The following PCGF5 variants were observed in gnomAD, a reference collection of about 807,000 sequenced individuals.
PCGF5 encodes the protein polycomb group ring finger 5, also known as polycomb group RING finger protein 5.
PCGF5 carries 9 observed loss-of-function variants against 44.3 expected under a neutral mutation model. That is an observed-to-expected ratio of 0.20 (90% CI 0.12 to 0.35). PCGF5 has a LOEUF of 0.35. PCGF5 is among the 10% of genes least tolerant of loss of function. The pLI is 1.00. For synonymous variants in PCGF5, 95 were observed against 102.5 expected, an observed-to-expected ratio of 0.93 and a Z score of 0.44; for missense variants, 146 against 305.3, an observed-to-expected ratio of 0.48 and a Z score of 3.89.
intron 1 of PCGF5, among the ~76,000 whole-genome samples, chr10:91,210,043 T>G (rs1009548204): frequency 2.6e-5 from 4 of 152,220 alleles, no homozygotes; most frequent in Admixed American, 2.0e-4. Context: ...GGATAGCAGA[T>G]CATAGCATTA....
chr10:91,176,484 T>C lies in PCGF5; in HGVS notation c.-184+13403T>C, dbSNP rs1227505483. Among the ~76,000 whole-genome samples, 8 of 152,354 alleles carry C rather than the reference T, an allele frequency of 5.3e-5. No individual in the cohort carries two copies. The East Asian group carries it at 1.5e-3, about 29-fold the overall frequency. ...CCTTGCTAGATTGGGGACGTTCTCCTGGATAATATCCTGCAGAGTGTTTTC... is the reference window on the plus strand; with the variant it reads ...CCTTGCTAGATTGGGGACGTTCTCCCGGATAATATCCTGCAGAGTGTTTTC... On this transcript the variant is annotated intron_variant, in intron 1 of 9. Transcript: ENST00000614189.
chr10:91,208,485 C>G (rs1844388250), intron 1 of PCGF5, among the ~76,000 whole-genome samples: 1 of 152,180 alleles, frequency 6.6e-6, no homozygotes, highest in African/African-American at 2.4e-5. Context: ...AACAAGATCC[C>G]TGCTGATGCT....
At position 91,192,064 on chromosome 10, in the gene PCGF5, AT is replaced by A. The variant is rs141368155; in HGVS notation, c.-184+28991del. On this transcript the variant is annotated intron_variant, in intron 1 of 9. Coordinates refer to the PCGF5 transcript ENST00000614189. Reference sequence around the variant, plus strand: ...CTAATGTGATTTTGGCTCCAAAATTATTTTTTTTCTTTATAGTTTTGTCATC... The same window carrying A: ...CTAATGTGATTTTGGCTCCAAAATTATTTTTTTCTTTATAGTTTTGTCATC... Among the ~76,000 whole-genome samples, 795 of 152,018 alleles carry A rather than the reference AT, an allele frequency of 5.2e-3. 16 individuals carry two copies. Among genetic ancestry groups the A allele is most frequent in the East Asian group, 0.05 (260 of 5,176 alleles).
intron 1 of PCGF5, among the ~76,000 whole-genome samples, chr10:91,222,181 T>A (rs1031101567): frequency 1.3e-5 from 2 of 152,108 alleles, no homozygotes; most frequent in Non-Finnish European, 2.9e-5. Context: ...CAAAATAAAA[T>A]GTGCCTCGTA....
chr10:91,264,608 A>T (rs1846002732), intron 8 of PCGF5, 88 bp downstream of exon 8: 1 of 1,017,696 alleles, frequency 9.8e-7, no homozygotes, highest in Non-Finnish European at 1.4e-6. Flanking sequence ...ACTAAAAAAG[A>T]CAAACTAGCT....
intron 1 of PCGF5, among the ~76,000 whole-genome samples, chr10:91,200,090 C>CT (rs1235589559): frequency 6.6e-6 from 1 of 152,222 alleles, no homozygotes; most frequent in African/African-American, 2.4e-5. Flanking sequence ...TCCTCCTTGA[C>CT]TGAGGGCTGT....
chr10:91,238,501 C>T (rs925273147), intron 2 of PCGF5, among the ~76,000 whole-genome samples: 5 of 151,900 alleles, frequency 3.3e-5, no homozygotes, highest in African/African-American at 2.4e-5. Context: ...ATTGCCAACC[C>T]GTTGAGTACA....
intron 2 of PCGF5, among the ~76,000 whole-genome samples, chr10:91,226,797 A>G (rs1216435657): frequency 6.6e-6 from 1 of 152,188 alleles, no homozygotes; most frequent in East Asian, 1.9e-4. Flanking sequence ...TCACATCATC[A>G]TATCACATGA....
intron 7 of PCGF5, 130 bp from the exon 8 acceptor site, chr10:91,264,301 C>A: frequency 1.5e-6 from 1 of 659,894 alleles, no homozygotes; most frequent in East Asian, 2.8e-5. Flanking sequence ...AGAATAAATG[C>A]CTCCTATTTA....
intron 2 of PCGF5, among the ~76,000 whole-genome samples, chr10:91,231,446 A>T (rs554421946): frequency 6.6e-6 from 1 of 152,318 alleles, no homozygotes; most frequent in South Asian, 2.1e-4. Context: ...TTGAACAAAG[A>T]CCAGGTAAAG....
intron 1 of PCGF5, among the ~76,000 whole-genome samples, chr10:91,168,929 GAAAAAAAAAAAAAAA>G (rs57345364): frequency 7.1e-5 from 4 of 56,204 alleles, no homozygotes; most frequent in Non-Finnish European, 9.7e-5. Flanking sequence ...CTCCGTCTCA[GAAAAAAAAAAAAAAA>G]AAAAAAAAAA....
chr10:91,189,533 AT>A (rs1262078831), intron 1 of PCGF5, among the ~76,000 whole-genome samples: 1 of 152,242 alleles, frequency 6.6e-6, no homozygotes, highest in Non-Finnish European at 1.5e-5. Flanking sequence ...TGACATAAAA[AT>A]TGTATTGCTT....
chr10:91,214,469 C>G (rs899357177), intron 1 of PCGF5, among the ~76,000 whole-genome samples: 1 of 152,074 alleles, frequency 6.6e-6, no homozygotes, highest in Non-Finnish European at 1.5e-5. Context: ...GAAGAAGGGA[C>G]TATACTTAGC....
At chr10:91,265,634 T>C (rs191027718) in intron 8 of PCGF5, among the ~76,000 whole-genome samples, 1 of 152,286 alleles carries the variant, frequency 6.6e-6, no homozygotes, top group East Asian at 1.9e-4. Context: ...AAAACATATT[T>C]ATATTGAATG....
intron 1 of PCGF5, among the ~76,000 whole-genome samples, chr10:91,172,492 C>T (rs1299808735): frequency 2.6e-5 from 4 of 152,176 alleles, no homozygotes; most frequent in Admixed American, 2.6e-4. Context: ...TAGAACACTT[C>T]CTCACCATAC....
chr10:91,168,494 C>T lies in PCGF5; in HGVS notation c.-184+5413C>T, dbSNP rs138158752. Among the ~76,000 whole-genome samples the T allele has an allele frequency of 9.9e-5, 15 of 152,136 alleles. No homozygotes were observed. The South Asian group carries it at 1.7e-3, about 17-fold the overall frequency. On this transcript the variant is annotated intron_variant, in intron 1 of 9. Transcript: ENST00000614189. Reference sequence around the variant, plus strand: ...CAGTGGGGATTAGTGGGGACAAGTCCGCTAGTTACCTGAAGAATGCTGGCT... The same window carrying T: ...CAGTGGGGATTAGTGGGGACAAGTCTGCTAGTTACCTGAAGAATGCTGGCT...
In PCGF5 at chr10:91,282,655, C is replaced by T. The variant is rs931839714; in HGVS notation, c.*4339C>T. On this transcript the variant is annotated 3_prime_UTR_variant, in exon 10 of 10. Coordinates refer to ENST00000336126, the MANE Select transcript of PCGF5 (RefSeq NM_032373.5). ...CCTTGGGAACTCATGCTATGGGCTA[C>T]CTTAAAGGTAAAACTCATCTTATGG... is the stretch of plus-strand genomic sequence containing the variant. 3 of 152,554 alleles carry T rather than the reference C, an allele frequency of 2.0e-5. No individual in the cohort carries two copies. Among genetic ancestry groups the T allele is most frequent in the African/African-American group, 7.2e-5 (3 of 41,422 alleles). The allele number at this position is 152,554 out of a possible 1,614,324, so 9.5% of individuals were successfully genotyped here.
chr10:91,162,327 G>T (rs192583484), upstream of PCGF5, among the ~76,000 whole-genome samples: 1 of 144,734 alleles, frequency 6.9e-6, no homozygotes, highest in African/African-American at 2.5e-5. Flanking sequence ...GGGGTGGGGG[G>T]ACTTTGCGAT....
intron 1 of PCGF5, among the ~76,000 whole-genome samples, chr10:91,175,651 CAA>C (rs1018517742): frequency 1.3e-5 from 2 of 152,122 alleles, no homozygotes; most frequent in African/African-American, 2.4e-5. Flanking sequence ...AAACCCAAAA[CAA>C]ATGAACAACA....
Sources: gnomAD v4.1 joint callset for allele counts (sites outside exome capture counted in the v4.1 genomes callset) on GRCh38, gnomAD v4.1.1 for gene constraint, MANE v1.5 for transcripts, NCBI Gene and HGNC (gene_info 2026-07-23, HGNC 2026-07-21) for gene names.